AQR: variants seen among roughly 807,000 people sequenced by gnomAD.
The protein encoded by AQR is aquarius intron-binding spliceosomal factor, also known as RNA helicase aquarius.
A neutral mutation model predicts 180.5 loss-of-function variants in AQR; 61 were observed. The observed-to-expected ratio is 0.34, with a 90% CI of 0.28 to 0.42. AQR has a LOEUF of 0.42. Ranked by LOEUF, AQR falls within the 10% of genes least tolerant of loss-of-function variation. AQR has a pLI of 1.00. For synonymous variants in AQR, 551 were observed against 588.8 expected (o/e 0.94, Z 0.93); for missense variants, 1,281 against 1,798.3 (o/e 0.71, Z 5.20).
intron 1 of AQR, among the ~76,000 whole-genome samples, chr15:34,969,127 C>CT (rs2140512937): frequency 6.6e-6 from 1 of 152,298 alleles, no homozygotes; most frequent in South Asian, 2.1e-4. Context: ...TCAGGACACT[C>CT]TAAGGACCAG....
At chr15:34,878,334 C>T (rs1373469610) in intron 27 of AQR, among the ~76,000 whole-genome samples, 4 of 137,022 alleles carry the variant, frequency 2.9e-5, no homozygotes, top group South Asian at 2.3e-4. Context: ...TGCAGTGAGC[C>T]GAGATCACGC....
rs1209370257 is a variant in AQR, at chr15:34,884,623, C to A, written c.2929G>T (p.Ala977Ser). ...CTTCCTTTAAAAATGGGTTGAGGAGCATTTGCAAAGTATTCATGGAAAGGG... is the reference window on the plus strand; with the variant it reads ...CTTCCTTTAAAAATGGGTTGAGGAGAATTTGCAAAGTATTCATGGAAAGGG... ...FFPFHEYFAN[A>S]PQPIFKGRSY... is the part of the protein sequence containing the mutation. The change falls in exon 26 of 35, where the codon GCT (alanine) becomes TCT (serine). Residue 977 changes from alanine to serine, a missense_variant. Physicochemically the swap from Ala to Ser is moderately conservative, Grantham distance 99. Transcript: ENST00000156471. 1 of 1,609,698 alleles carries A rather than the reference C, an allele frequency of 6.2e-7. No homozygotes were observed. The highest frequency in any genetic ancestry group is 2.2e-5 in the East Asian group (1 of 44,692).
chr15:34,964,096 G>C, intron 2 of AQR, 138 bp downstream of exon 2: 1 of 660,312 alleles, frequency 1.5e-6, no homozygotes, highest in Non-Finnish European at 2.6e-6. Context: ...TGCTAAGTTT[G>C]ATAAGCAAAA....
chr15:34,886,793 C>A lies in AQR; in HGVS notation c.2682-132G>T, dbSNP rs1893065840. 1.3e-5 allele frequency: 12 copies of A among 931,828 alleles called. 1 individual carries two copies. In the South Asian group the frequency reaches 2.2e-4, roughly 17 times the overall value. The allele number at this position is 931,828 out of a possible 1,614,324, so 57.7% of individuals were successfully genotyped here. On this transcript the variant is annotated intron_variant, in intron 24 of 34. Transcript: ENST00000156471. ...ACTAGAAGATATGGCTTCTATTTAA[C>A]TATTGGTGGTAGTTCTTGGGTTACT...
chr15:34,870,792 C>T lies in AQR; in HGVS notation c.3728G>A (p.Arg1243Lys), dbSNP rs1233918541. The T allele has an allele frequency of 3.7e-6, 6 of 1,613,122 alleles. No homozygotes were observed. The highest frequency in any genetic ancestry group is 5.1e-6 in the Non-Finnish European group (6 of 1,179,574). ...QKHLIRDIIN[R>K]RCGNNPLIGR... ...AATCAATGGATTGTTTCCACATCGT[C>T]TATTGATGATGTCGCGAATAAGATG... is the stretch of plus-strand genomic sequence containing the variant. Residue 1243 changes from arginine (R) to lysine (K), a missense_variant, in exon 31 of 35, where the codon AGA (arginine) becomes AAA (lysine). Physicochemically the swap from Arg to Lys is conservative, Grantham distance 26. Coordinates refer to ENST00000156471, the MANE Select transcript of AQR (RefSeq NM_014691.3).
chr15:34,938,234 C>T (rs1893972963), intron 9 of AQR, among the ~76,000 whole-genome samples: 2 of 152,046 alleles, frequency 1.3e-5, no homozygotes, highest in South Asian at 2.1e-4. Context: ...CACACTGGTG[C>T]CTTTAAAATA....
chr15:34,860,631 T>C (rs560550634), intron 33 of AQR, among the ~76,000 whole-genome samples: 14 of 152,370 alleles, frequency 9.2e-5, no homozygotes, highest in African/African-American at 3.1e-4. Flanking sequence ...TTTCTAAGAC[T>C]GTGTATGCTC....
chr15:34,910,211 T>A lies in AQR; in HGVS notation c.1587A>T (p.Glu529Asp). The A allele has an allele frequency of 6.2e-7, 1 of 1,614,228 alleles. No individual in the cohort carries two copies. The highest frequency in any genetic ancestry group is 1.1e-5 in the South Asian group (1 of 91,092). ...CTGCACGAACTCGGGTTGGCCAGTTTTCACCTATGTTGGGTTTGGCCACTT... is the reference window on the plus strand; with the variant it reads ...CTGCACGAACTCGGGTTGGCCAGTTATCACCTATGTTGGGTTTGGCCACTT... ...VVEVAKPNIG[E>D]NWPTRVRADV... Residue 529 changes from glutamate to aspartate, a missense_variant, in exon 17 of 35, where the codon GAA becomes GAT. This residue lies in a region of AQR where 200 missense variants were observed against 293.4 expected (regional missense o/e 0.68). Transcript: ENST00000156471.
chr15:34,934,554 C>T lies in AQR; in HGVS notation c.783+17G>A, dbSNP rs766356414. ...CCTAATGATTATATAACAAAAAAGT[C>T]ACGGTAGATTTCTTACCTCTAGATC... On this transcript the variant is annotated intron_variant, in intron 10 of 34. Coordinates refer to ENST00000156471, the MANE Select transcript of AQR (RefSeq NM_014691.3). 3.8e-6 allele frequency: 6 copies of T among 1,566,502 alleles called. No individual in the cohort carries two copies. The South Asian group carries it at 4.8e-5, about 13-fold the overall frequency.
intron 16 of AQR, among the ~76,000 whole-genome samples, chr15:34,912,053 T>C (rs1343063384): frequency 2.6e-5 from 4 of 152,186 alleles, no homozygotes; most frequent in Non-Finnish European, 5.9e-5. Flanking sequence ...CATTGTATAC[T>C]CTTGGCACAT....
chr15:34,880,374 C>T (rs969074451), intron 27 of AQR, among the ~76,000 whole-genome samples: 1 of 152,072 alleles, frequency 6.6e-6, no homozygotes, highest in African/African-American at 2.4e-5. Context: ...AAGGCAAAGG[C>T]CTTTACAATG....
chr15:34,893,558 ACC>A, intron 23 of AQR, 103 bp downstream of exon 23: 1 of 890,882 alleles, frequency 1.1e-6, no homozygotes. Flanking sequence ...TCCCACACTT[ACC>A]TCCCCCTCAA....
chr15:34,919,170 CG>C (rs1237859431), intron 14 of AQR, among the ~76,000 whole-genome samples: 1 of 147,700 alleles, frequency 6.8e-6, no homozygotes, highest in Non-Finnish European at 1.5e-5. Context: ...ACCCGGGAGG[CG>C]GAAGTTGCAG....
At position 34,906,729 on chromosome 15, in the gene AQR, A is replaced by C; in HGVS notation, c.1664-17T>G. On this transcript the variant is annotated splice_polypyrimidine_tract_variant and intron_variant, in intron 17 of 34. Transcript: ENST00000156471. ...TACGAAGACCTGGTAAGATATAAAG[A>C]CATTTTCATTTATTAGAATTTCATT... The C allele has an allele frequency of 6.3e-7, 1 of 1,595,250 alleles. No homozygotes were observed. The highest frequency in any genetic ancestry group is 8.5e-7 in the Non-Finnish European group (1 of 1,170,854).
intron 3 of AQR, among the ~76,000 whole-genome samples, chr15:34,955,144 AT>A (rs1894290399): frequency 6.6e-6 from 1 of 152,150 alleles, no homozygotes; most frequent in South Asian, 2.1e-4. Flanking sequence ...TAAATAAATA[AT>A]AAGTATGAAA....
At chr15:34,963,996 C>T (rs1425941943) in intron 2 of AQR, among the ~76,000 whole-genome samples, 2 of 152,128 alleles carry the variant, frequency 1.3e-5, no homozygotes, top group Admixed American at 1.3e-4. Context: ...AAAGAAAATA[C>T]AACAAAATGG....
At chr15:34,869,224 A>C (rs1037911115) in intron 31 of AQR, 1 of 152,124 alleles carries the variant, frequency 6.6e-6, no homozygotes, top group South Asian at 2.1e-4. Context: ...GTAGTGGTAT[A>C]TCATTGTAGC....
At chr15:34,931,751 T>C (rs938918531) in intron 11 of AQR, among the ~76,000 whole-genome samples, 3 of 152,090 alleles carry the variant, frequency 2.0e-5, no homozygotes, top group Non-Finnish European at 4.4e-5. Flanking sequence ...GAGGTTGCAG[T>C]GAGCCGAGAT....
rs746727884 is a variant in AQR at position 34,893,695 on chromosome 15, G to A, written c.2539C>T (p.Gln847Ter). Residue 847 changes from glutamine to a stop codon, truncating the protein, a stop_gained, in exon 23 of 35, where the codon CAG becomes TAG. Transcript: ENST00000156471. LOFTEE classifies it high-confidence loss of function. ...GAATGAGTAACAATTAGAGTCCTCT[G>A]TTCTGGGAAGTTGTGGTAGATGTTG... Reference protein sequence around the residue: ...ISNIYHNFPEQRTLIVTHSNQ... With the variant: ...ISNIYHNFPE The A allele has an allele frequency of 6.2e-7, 1 of 1,612,746 alleles. No homozygotes were observed. The highest frequency in any genetic ancestry group is 1.1e-5 in the South Asian group (1 of 91,052).
Sources: gnomAD v4.1 joint callset for allele counts (sites outside exome capture counted in the v4.1 genomes callset) on GRCh38, gnomAD v4.1.1 for gene constraint, gnomAD v4.1.1 regional missense constraint, MANE v1.5 for transcripts, NCBI Gene and HGNC (gene_info 2026-07-23, HGNC 2026-07-21) for gene names.